The following KANSL1 variants were observed in gnomAD, a reference collection of about 807,000 sequenced individuals.
The protein encoded by KANSL1 is KAT8 regulatory NSL complex subunit 1.
A neutral mutation model predicts 103.6 loss-of-function variants in KANSL1; 22 were observed. That is an observed-to-expected ratio of 0.21 (90% CI 0.15 to 0.30). The LOEUF (loss-of-function observed/expected upper bound fraction) is 0.30. KANSL1 is among the 10% of genes least tolerant of loss of function. The pLI is 1.00. For synonymous variants in KANSL1, 600 were observed against 527.6 expected (o/e 1.14, Z -1.88); for missense variants, 1,337 against 1,399.8 (o/e 0.96, Z 0.72).
At chr17:46,053,781 G>T (rs1309344404) in intron 6 of KANSL1, among the ~76,000 whole-genome samples, 1 of 152,076 alleles carries the variant, frequency 6.6e-6, no homozygotes, top group Non-Finnish European at 1.5e-5. Flanking sequence ...GAAAATTTTT[G>T]AAAGAAAACT....
At chr17:46,085,450 C>CAT (rs1294987234) in intron 3 of KANSL1, among the ~76,000 whole-genome samples, 1 of 152,176 alleles carries the variant, frequency 6.6e-6, no homozygotes, top group African/African-American at 2.4e-5. Flanking sequence ...CCAGAGCATT[C>CAT]ATAATCTTAT....
chr17:46,154,644 G>A (rs557499920), intron 2 of KANSL1, among the ~76,000 whole-genome samples: 1 of 152,298 alleles, frequency 6.6e-6, no homozygotes, highest in East Asian at 1.9e-4. Flanking sequence ...CTTTAAAAGT[G>A]GTCTGACTCA....
intron 6 of KANSL1, among the ~76,000 whole-genome samples, chr17:46,054,251 A>C (rs1257018282): frequency 6.6e-6 from 1 of 152,176 alleles, no homozygotes; most frequent in Non-Finnish European, 1.5e-5. Flanking sequence ...ACGGGGTTTC[A>C]CCACGTTGGC....
intron 3 of KANSL1, among the ~76,000 whole-genome samples, chr17:46,084,016 T>C (rs1260394112): frequency 1.3e-5 from 2 of 152,216 alleles, no homozygotes; most frequent in Non-Finnish European, 2.9e-5. Flanking sequence ...TGTATCTCTT[T>C]TTCTCTTGAA....
intron 2 of KANSL1, among the ~76,000 whole-genome samples, chr17:46,104,633 C>T (rs2042454353): frequency 6.6e-6 from 1 of 152,120 alleles, no homozygotes; most frequent in African/African-American, 2.4e-5. Flanking sequence ...TAGCTGATGC[C>T]TTATCCTGTT....
At chr17:46,147,922 T>C (rs1252601902) in intron 2 of KANSL1, among the ~76,000 whole-genome samples, 5 of 152,222 alleles carry the variant, frequency 3.3e-5, no homozygotes, top group Non-Finnish European at 7.3e-5. Flanking sequence ...AATTTAAAGA[T>C]GTGTATTTAG....
chr17:46,174,870 CA>C (rs753858830), intron 1 of KANSL1, among the ~76,000 whole-genome samples: 6 of 152,176 alleles, frequency 3.9e-5, no homozygotes, highest in Non-Finnish European at 7.3e-5. Flanking sequence ...GATGGAATTT[CA>C]TTTTGTTGCC....
At chr17:46,163,362 A>G (rs2045842406) in intron 2 of KANSL1, among the ~76,000 whole-genome samples, 1 of 152,088 alleles carries the variant, frequency 6.6e-6, no homozygotes, top group African/African-American at 2.4e-5. Flanking sequence ...TTATTTCCTC[A>G]CTGTTTTTTA....
chr17:46,068,957 G>A (rs1289614124), intron 4 of KANSL1, among the ~76,000 whole-genome samples: 5 of 152,000 alleles, frequency 3.3e-5, no homozygotes, highest in Admixed American at 6.6e-5. Flanking sequence ...ATGAAGTCTC[G>A]CTATCCCGCC....
At chr17:46,108,353 A>T (rs552493411) in intron 2 of KANSL1, among the ~76,000 whole-genome samples, 1 of 152,264 alleles carries the variant, frequency 6.6e-6, no homozygotes, top group East Asian at 1.9e-4. Context: ...CCTAAAGCAG[A>T]TATCCTCACT....
At chr17:46,220,052 G>A (rs1285477280) in intron 1 of KANSL1, among the ~76,000 whole-genome samples, 2 of 151,942 alleles carry the variant, frequency 1.3e-5, no homozygotes, top group Non-Finnish European at 2.9e-5. Flanking sequence ...GCAGTGAGCC[G>A]AGATTGCGCC....
intron 2 of KANSL1, among the ~76,000 whole-genome samples, chr17:46,135,944 A>G (rs1358008280): frequency 6.6e-6 from 1 of 152,198 alleles, no homozygotes; most frequent in Non-Finnish European, 1.5e-5. Flanking sequence ...TGATTTCAAT[A>G]AAATTTCATC....
chr17:46,143,953 CAT>C (rs765078032), intron 2 of KANSL1, among the ~76,000 whole-genome samples: 8 of 152,144 alleles, frequency 5.3e-5, no homozygotes, highest in Admixed American at 1.3e-4. Context: ...TTCCAAATCA[CAT>C]GTTTCCTATG....
At chr17:46,168,198 T>C (rs1439357313) in intron 2 of KANSL1, among the ~76,000 whole-genome samples, 2 of 152,254 alleles carry the variant, frequency 1.3e-5, no homozygotes, top group Admixed American at 6.5e-5. Context: ...TCCATTCTCA[T>C]TGTCTGGTCA....
chr17:46,171,349 A>G lies in KANSL1; in HGVS notation c.795T>C (p.Gly265=), dbSNP rs1468990784. 5 of 1,614,002 alleles carry G rather than the reference A, an allele frequency of 3.1e-6. No individual in the cohort carries two copies. Among genetic ancestry groups the G allele is most frequent in the Non-Finnish European group, 3.4e-6 (4 of 1,180,024 alleles). ...GAATGGAAGACAGGGGAGACTTTTT[A>G]CCCTCCAATTTGACACCCCCCAAGT... ...SSNLGGVKLE[G]KKSPLSSILF... Residue 265 remains glycine, a synonymous_variant, in exon 2 of 15, where the codon GGT becomes GGC. Transcript: ENST00000432791.
chr17:46,038,877 G>A (rs1327883797), intron 9 of KANSL1, 150 bp downstream of exon 9: 3 of 1,131,388 alleles, frequency 2.7e-6, no homozygotes, highest in Non-Finnish European at 3.8e-6. Flanking sequence ...GTTAAGAAGT[G>A]ACCTCCATTT....
chr17:46,076,038 T>G (rs2078754889), intron 4 of KANSL1, among the ~76,000 whole-genome samples: 1 of 152,228 alleles, frequency 6.6e-6, no homozygotes, highest in Non-Finnish European at 1.5e-5. Flanking sequence ...AGACACAAAG[T>G]GCAGTCTGGA....
chr17:46,044,605 A>G (rs145326745), intron 7 of KANSL1: 2 of 152,306 alleles, frequency 1.3e-5, no homozygotes, highest in South Asian at 2.1e-4. Context: ...TACATTTCCA[A>G]CTAAGGATTA....
At chr17:46,161,250 TAAA>T (rs534754110) in intron 2 of KANSL1, among the ~76,000 whole-genome samples, 1 of 79,396 alleles carries the variant, frequency 1.3e-5, no homozygotes, top group African/African-American at 5.8e-5. Context: ...CCACCTCTAC[TAAA>T]AAAAAAAAAA....
Sources: gnomAD v4.1 joint callset for allele counts (sites outside exome capture counted in the v4.1 genomes callset) on GRCh38, gnomAD v4.1.1 for gene constraint, MANE v1.5 for transcripts, NCBI Gene and HGNC (gene_info 2026-07-23, HGNC 2026-07-21) for gene names.